The following STK3 variants were observed in gnomAD, a reference collection of about 807,000 sequenced individuals.
STK3 encodes serine/threonine-protein kinase 3.
In STK3, 41 loss-of-function variants were observed where a neutral mutation model predicts 58.0. The ratio of observed to expected loss-of-function variants is 0.71; its 90% CI spans 0.55 to 0.92. The LOEUF (loss-of-function observed/expected upper bound fraction) is 0.92, where lower values mean the gene tolerates loss of function less well. Ranked by LOEUF, STK3 falls within the 40% of genes least tolerant of loss-of-function variation. The pLI is 0.00. For synonymous variants in STK3, 170 were observed against 191.0 expected, an observed-to-expected ratio of 0.89 and a Z score of 0.91; for missense variants, 479 against 602.7, an observed-to-expected ratio of 0.79 and a Z score of 2.15.
At chr8:98,598,969 A>T in intron 6 of STK3, 1 of 903,024 alleles carries the variant, frequency 1.1e-6, no homozygotes, top group Non-Finnish European at 1.3e-6. Context: ...AAGAGTACCC[A>T]GGAGATGTGG....
At position 98,463,052 on chromosome 8, in the gene STK3, G is replaced by A. The variant is rs551652341; in HGVS notation, c.1318-7052C>T. 4.0e-5 allele frequency: 6 copies of A among 150,888 alleles called. No homozygotes were observed. In the South Asian group the frequency reaches 8.4e-4, roughly 21 times the overall value. The allele number at this position is 150,888 out of a possible 1,614,324, so 9.3% of individuals were successfully genotyped here. ...TATATGTGCTGCTGAAGTGAGCACC[G>A]TCTCAATTGTTTTGAACAGAAAATC... On this transcript the variant is annotated intron_variant, in intron 10 of 10. Coordinates refer to ENST00000419617, the MANE Select transcript of STK3 (RefSeq NM_006281.4).
At position 98,723,534 on chromosome 8, in the gene STK3, A is replaced by G. The variant is rs59051532; in HGVS notation, c.352-16223T>C. On this transcript the variant is annotated intron_variant, in intron 4 of 10. Transcript: ENST00000419617. Reference sequence around the variant, plus strand: ...ATACATATACTGCCTTAATGTTTTTAGATCAGTAAAAATGAATTCAAGTGA... The same window carrying G: ...ATACATATACTGCCTTAATGTTTTTGGATCAGTAAAAATGAATTCAAGTGA... 5.5e-3 allele frequency among the ~76,000 whole-genome samples: 833 copies of G among 152,274 alleles called. 9 individuals are homozygous for G. The highest frequency in any genetic ancestry group is 0.019 in the African/African-American group (804 of 41,584).
intron 6 of STK3, chr8:98,597,689 T>G (rs1040143835): frequency 2.2e-5 from 22 of 985,370 alleles, no homozygotes; most frequent in Non-Finnish European, 2.5e-5. Flanking sequence ...TTGCGTGAGC[T>G]CTATCTAGCC....
At position 98,436,451 on chromosome 8, in the gene STK3, T is replaced by G. The variant is rs1002614087; in HGVS notation, n.291+652A>C. ...TTCACTCCAAACTTGCTCTTCCTTC[T>G]GACTTCTTCCTCATTTCTATCAATG... On this transcript the variant is annotated intron_variant and non_coding_transcript_variant, in intron 2 of 3. Coordinates refer to the STK3 transcript ENST00000517832. 3.9e-5 allele frequency among the ~76,000 whole-genome samples: 6 copies of G among 152,354 alleles called. 1 individual carries two copies. The South Asian group carries it at 1.2e-3, about 32-fold the overall frequency.
intron 4 of STK3, among the ~76,000 whole-genome samples, chr8:98,720,373 C>A (rs1827311246): frequency 6.6e-6 from 1 of 152,068 alleles, no homozygotes; most frequent in South Asian, 2.1e-4. Context: ...AGTAGCAAAC[C>A]TCACATTTCT....
chr8:98,589,263 C>T (rs978001031), intron 7 of STK3, among the ~76,000 whole-genome samples: 28 of 152,252 alleles, frequency 1.8e-4, no homozygotes, highest in Non-Finnish European at 3.4e-4. Context: ...TGGTGATGAA[C>T]AGATGGGTTT....
chr8:98,346,280 G>A, the STK3 span, among the ~76,000 whole-genome samples: 184 of 112,018 alleles, frequency 1.6e-3, 3 homozygotes, highest in South Asian at 0.04. Flanking sequence ...GCAAGACTCC[G>A]TCTCAAAAAA....
At chr8:98,519,597 T>A (rs1188023651) in intron 10 of STK3, among the ~76,000 whole-genome samples, 2 of 152,170 alleles carry the variant, frequency 1.3e-5, no homozygotes, top group East Asian at 3.8e-4. Context: ...CAACAGTGAC[T>A]TTTGTTTTGT....
chr8:98,354,665 C>A, the STK3 span, among the ~76,000 whole-genome samples: 2 of 152,164 alleles, frequency 1.3e-5, no homozygotes, highest in Non-Finnish European at 2.9e-5. Flanking sequence ...GTAAAATAGG[C>A]AAATCCTGGG....
At chr8:98,883,904 G>C (rs1408156658) in intron 1 of STK3, 3 of 556,834 alleles carry the variant, frequency 5.4e-6, no homozygotes, top group African/African-American at 1.9e-5. Context: ...CATACAAATA[G>C]GGTTGCCGGG....
At chr8:98,422,881 G>A (rs906514375) in intron 3 of STK3, among the ~76,000 whole-genome samples, 7 of 152,210 alleles carry the variant, frequency 4.6e-5, no homozygotes, top group Non-Finnish European at 7.3e-5. Flanking sequence ...AAGAAATGCC[G>A]ATTTGCCCTC....
chr8:98,883,216 T>C (rs566249039), downstream of STK3: 48 of 155,348 alleles, frequency 3.1e-4, no homozygotes, highest in African/African-American at 1.1e-3. Flanking sequence ...TTCCCTCTAC[T>C]GTTCTCCTTC....
In STK3 at chr8:98,382,811, G is replaced by A. The variant is rs1347286803; in HGVS notation, n.57-3604C>T. Among the ~76,000 whole-genome samples the A allele has an allele frequency of 3.3e-5, 5 of 152,280 alleles. No individual in the cohort carries two copies. The East Asian group carries it at 5.8e-4, about 18-fold the overall frequency. The stretch of plus-strand genomic sequence containing the variant: ...TCCTGAAACTGGGCCCAACTGATAC[G>A]GCCGGTTCCTGGAATCCCAGCAAAG... On this transcript the variant is annotated intron_variant and non_coding_transcript_variant, in intron 1 of 2. Coordinates refer to the STK3 transcript ENST00000518704.
chr8:98,650,967 T>C (rs974348111), intron 6 of STK3, among the ~76,000 whole-genome samples: 1 of 152,236 alleles, frequency 6.6e-6, no homozygotes, highest in South Asian at 2.1e-4. Context: ...TGTCCCTGTC[T>C]GAACAGCTTT....
chr8:98,697,345 G>C (rs1825054482), intron 6 of STK3, among the ~76,000 whole-genome samples: 1 of 152,072 alleles, frequency 6.6e-6, no homozygotes, highest in Admixed American at 6.5e-5. Context: ...GGTTTTTTGT[G>C]TCTCTATTTC....
intron 4 of STK3, among the ~76,000 whole-genome samples, chr8:98,709,785 C>A (rs1293440884): frequency 6.6e-6 from 1 of 152,108 alleles, no homozygotes; most frequent in Non-Finnish European, 1.5e-5. Context: ...AGGAAACTAT[C>A]TCACCATAGT....
Position 98,825,671 on chromosome 8 carries a change from T to C in STK3, c.-131A>G, listed in dbSNP as rs1835222890. The stretch of plus-strand genomic sequence containing the variant: ...CTGGGAACTCGGACCAACTTTCCCG[T>C]AACTCCGCGGCGGATCTCCCTCCCG... On this transcript the variant is annotated 5_prime_UTR_variant, in exon 1 of 11. Coordinates refer to ENST00000419617, the MANE Select transcript of STK3 (RefSeq NM_006281.4). 2.6e-5 allele frequency: 30 copies of C among 1,144,174 alleles called. 1 individual carries two copies. In the South Asian group the frequency reaches 1.1e-3, roughly 40 times the overall value. The allele number at this position is 1,144,174 out of a possible 1,614,324, so 70.9% of individuals were successfully genotyped here.
chr8:98,780,990 T>C (rs973701797), intron 1 of STK3, among the ~76,000 whole-genome samples: 1 of 152,222 alleles, frequency 6.6e-6, no homozygotes, highest in African/African-American at 2.4e-5. Flanking sequence ...GTATCCATTG[T>C]AGAACTTCCA....
intron 2 of STK3, among the ~76,000 whole-genome samples, chr8:98,773,346 C>T (rs928815395): frequency 1.3e-5 from 2 of 152,120 alleles, no homozygotes; most frequent in Admixed American, 6.5e-5. Flanking sequence ...GATATTGCTA[C>T]CTAATATATC....
Sources: allele counts gnomAD v4.1 joint callset (sites outside exome capture counted in the v4.1 genomes callset), GRCh38; gene constraint gnomAD v4.1.1; transcripts MANE v1.5; gene names NCBI Gene and HGNC (gene_info 2026-07-23, HGNC 2026-07-21).